The following EXOC4 variants were observed in gnomAD, a reference collection of about 807,000 sequenced individuals.
EXOC4 encodes SEC8-like 1.
Under a neutral mutation model 107.2 loss-of-function variants are expected in EXOC4, and 71 were observed. That is an observed-to-expected ratio of 0.66 (90% confidence interval 0.55 to 0.81). The LOEUF (loss-of-function observed/expected upper bound fraction) is 0.81, where lower values mean the gene tolerates loss of function less well. Ranked by LOEUF, EXOC4 falls within the 30% of genes least tolerant of loss-of-function variation. The pLI, the probability that EXOC4 is intolerant of heterozygous loss-of-function variation, is 0.00. For missense variants in EXOC4, 1,108 were observed against 1,189.6 expected, an observed-to-expected ratio of 0.93 and a Z score of 1.01; for synonymous variants, 456 against 441.2, an observed-to-expected ratio of 1.03 and a Z score of -0.42.
At chr7:133,643,922 G>A (rs1375353180) in intron 10 of EXOC4, among the ~76,000 whole-genome samples, 1 of 152,128 alleles carries the variant, frequency 6.6e-6, no homozygotes, top group Non-Finnish European at 1.5e-5. Flanking sequence ...TTTCCCCAAT[G>A]TACAGTTACC....
chr7:133,372,553 T>C (rs898153710), intron 6 of EXOC4, among the ~76,000 whole-genome samples: 20 of 147,902 alleles, frequency 1.4e-4, no homozygotes, highest in Non-Finnish European at 2.6e-4. Context: ...GGTTTTTTTT[T>C]TCTCTAAATG....
chr7:133,418,065 T>C (rs927564116), intron 7 of EXOC4, among the ~76,000 whole-genome samples: 3 of 152,218 alleles, frequency 2.0e-5, no homozygotes, highest in Admixed American at 6.5e-5. Flanking sequence ...ATAGCAGATT[T>C]ATTAGTTTCA....
intron 10 of EXOC4, among the ~76,000 whole-genome samples, chr7:133,800,696 C>T (rs1440421729): frequency 6.6e-6 from 1 of 152,130 alleles, no homozygotes; most frequent in African/African-American, 2.4e-5. Flanking sequence ...TCACAAAGAT[C>T]CCCTGGTCAT....
chr7:133,842,666 G>A (rs1346248608), intron 11 of EXOC4, among the ~76,000 whole-genome samples: 1 of 152,018 alleles, frequency 6.6e-6, no homozygotes, highest in Non-Finnish European at 1.5e-5. Context: ...TCCATTTATT[G>A]ATTTTTGTTT....
At chr7:134,030,101 A>G (rs900715984) in intron 17 of EXOC4, among the ~76,000 whole-genome samples, 4 of 152,174 alleles carry the variant, frequency 2.6e-5, no homozygotes, top group South Asian at 2.1e-4. Context: ...TATGATTCCT[A>G]TTTTTACACA....
intron 7 of EXOC4, among the ~76,000 whole-genome samples, chr7:133,425,324 G>A (rs1408985228): frequency 6.6e-6 from 1 of 152,128 alleles, no homozygotes; most frequent in African/African-American, 2.4e-5. Flanking sequence ...GTCTCGCTCT[G>A]TCACCTAGGC....
intron 9 of EXOC4, among the ~76,000 whole-genome samples, chr7:133,530,127 C>T (rs754637899): frequency 2.6e-5 from 4 of 152,178 alleles, no homozygotes; most frequent in Non-Finnish European, 4.4e-5. Context: ...CTCAGGCTCT[C>T]AATCACTACG....
intron 15 of EXOC4, 76 bp from the exon 16 acceptor site, chr7:134,004,836 G>T: frequency 8.3e-7 from 1 of 1,203,128 alleles, no homozygotes. Context: ...AGTTATTTTG[G>T]TGCTCTGTCC....
the EXOC4 span, among the ~76,000 whole-genome samples, chr7:134,076,044 C>A: frequency 2.0e-5 from 3 of 152,140 alleles, no homozygotes; most frequent in African/African-American, 7.2e-5. Flanking sequence ...AACGAAGAGG[C>A]TGATCACAGT....
chr7:133,968,645 C>G (rs1394088951), intron 14 of EXOC4, among the ~76,000 whole-genome samples: 5 of 151,064 alleles, frequency 3.3e-5, no homozygotes, highest in Non-Finnish European at 7.4e-5. Context: ...TTTTTTTTTT[C>G]TTTAAGAATG....
chr7:133,330,767 C>T (rs1436859680), intron 5 of EXOC4, among the ~76,000 whole-genome samples: 1 of 151,990 alleles, frequency 6.6e-6, no homozygotes, highest in African/African-American at 2.4e-5. Context: ...TTGGCTCGCC[C>T]TTGGTGGGCT....
chr7:133,609,407 C>T (rs1389400938), intron 9 of EXOC4, among the ~76,000 whole-genome samples: 2 of 152,134 alleles, frequency 1.3e-5, no homozygotes, highest in Non-Finnish European at 2.9e-5. Flanking sequence ...TATATTGTGA[C>T]TGCAGTGAGT....
intron 1 of EXOC4, among the ~76,000 whole-genome samples, chr7:133,272,251 C>T (rs1793889679): frequency 2.6e-5 from 4 of 152,124 alleles, no homozygotes; most frequent in Admixed American, 2.6e-4. Flanking sequence ...CAATTCTAAC[C>T]CAGGCAGCTT....
At chr7:133,673,397 C>A (rs551426948) in intron 10 of EXOC4, among the ~76,000 whole-genome samples, 3 of 152,220 alleles carry the variant, frequency 2.0e-5, no homozygotes, top group Non-Finnish European at 4.4e-5. Flanking sequence ...TCTTTTAATT[C>A]TTCTGGACTT....
At chr7:133,701,954 C>CATTTTT (rs1383186224) in intron 10 of EXOC4, among the ~76,000 whole-genome samples, 4 of 23,954 alleles carry the variant, frequency 1.7e-4, no homozygotes, top group African/African-American at 4.1e-4. Flanking sequence ...GAATCACTGT[C>CATTTTT]ATTTTTCTTT....
At chr7:133,613,427 T>C (rs1344115549) in intron 9 of EXOC4, among the ~76,000 whole-genome samples, 1 of 152,156 alleles carries the variant, frequency 6.6e-6, no homozygotes, top group Non-Finnish European at 1.5e-5. Context: ...CTGTGAGCAG[T>C]CCATCTCTCC....
intron 9 of EXOC4, among the ~76,000 whole-genome samples, chr7:133,601,156 T>C (rs1428031429): frequency 6.6e-6 from 1 of 152,166 alleles, no homozygotes; most frequent in Non-Finnish European, 1.5e-5. Context: ...CTCTTTGTGA[T>C]CGGGTTTTTT....
intron 9 of EXOC4, among the ~76,000 whole-genome samples, chr7:133,582,718 T>TA (rs984739612): frequency 1.3e-5 from 2 of 151,794 alleles, no homozygotes; most frequent in African/African-American, 4.8e-5. Context: ...TGATTAAAAA[T>TA]AAAAAAATTA....
intron 17 of EXOC4, among the ~76,000 whole-genome samples, chr7:134,029,737 T>C (rs1030570707): frequency 6.6e-6 from 1 of 152,116 alleles, no homozygotes; most frequent in Non-Finnish European, 1.5e-5. Flanking sequence ...CCTAGGCTGG[T>C]CTTAAACTCC....
Sources: allele counts gnomAD v4.1 joint callset (sites outside exome capture counted in the v4.1 genomes callset), GRCh38; gene constraint gnomAD v4.1.1; transcripts MANE v1.5; gene names NCBI Gene and HGNC (gene_info 2026-07-23, HGNC 2026-07-21).